The following GRM7 variants were observed in gnomAD, a reference collection of about 807,000 sequenced individuals.
GRM7 encodes the protein metabotropic glutamate receptor 7.
GRM7 carries 35 observed loss-of-function variants against 84.5 expected under a neutral mutation model. The ratio of observed to expected loss-of-function variants is 0.41; its 90% CI spans 0.32 to 0.55. The LOEUF is 0.55. Among genes scored for constraint, GRM7 ranks in the 20% least tolerant of loss-of-function variants. The probability of loss-of-function intolerance (pLI) is 0.19; values close to 1 mark genes in which losing one functional copy is unlikely to be tolerated. For missense variants in GRM7, 1,003 were observed against 1,194.6 expected, an observed-to-expected ratio of 0.84 and a Z score of 2.36; for synonymous variants, 487 against 455.1, an observed-to-expected ratio of 1.07 and a Z score of -0.89.
intron 2 of GRM7, among the ~76,000 whole-genome samples, chr3:7,243,597 T>C (rs1484554984): frequency 6.6e-6 from 1 of 152,152 alleles, no homozygotes; most frequent in Non-Finnish European, 1.5e-5. Flanking sequence ...ATCACTATTC[T>C]CAGGAGAATG....
chr3:7,382,098 T>C (rs1170645215), intron 4 of GRM7, among the ~76,000 whole-genome samples: 2 of 152,206 alleles, frequency 1.3e-5, no homozygotes, highest in Admixed American at 6.5e-5. Context: ...AAATTCTTTA[T>C]AATGATCCTT....
intron 8 of GRM7, among the ~76,000 whole-genome samples, chr3:7,634,105 A>G (rs1697967482): frequency 6.6e-6 from 1 of 152,104 alleles, no homozygotes; most frequent in Non-Finnish European, 1.5e-5. Flanking sequence ...ATTTCGCCCA[A>G]ATGTCCATTT....
At chr3:7,527,356 A>AT (rs1029924815) in intron 7 of GRM7, among the ~76,000 whole-genome samples, 13 of 151,548 alleles carry the variant, frequency 8.6e-5, no homozygotes, top group Non-Finnish European at 1.8e-4. Context: ...AATGCTACTG[A>AT]TTTTTTTTAC....
chr3:6,880,992 T>C (rs1475922908), intron 1 of GRM7, among the ~76,000 whole-genome samples: 2 of 152,188 alleles, frequency 1.3e-5, no homozygotes, highest in African/African-American at 4.8e-5. Flanking sequence ...TTCACTGGCT[T>C]AGCAATCAGT....
intron 9 of GRM7, among the ~76,000 whole-genome samples, chr3:7,715,421 G>A (rs753583741): frequency 1.5e-4 from 23 of 152,172 alleles, no homozygotes; most frequent in Middle Eastern, 3.4e-3. Flanking sequence ...TTTAGTGAGC[G>A]ACCATCATGC....
At chr3:7,578,095 T>C (rs186405109) in intron 7 of GRM7, among the ~76,000 whole-genome samples, 2 of 152,300 alleles carry the variant, frequency 1.3e-5, no homozygotes, top group Non-Finnish European at 2.9e-5. Context: ...CAAGAATCCT[T>C]TGGGCACTTG....
rs1181595820 is a variant in GRM7, at chr3:7,578,761, C to T, written c.1855C>T (p.Pro619Ser). 2 of 1,613,590 alleles carry T rather than the reference C, an allele frequency of 1.2e-6. No individual in the cohort carries two copies. The highest frequency in any genetic ancestry group is 2.2e-5 in the East Asian group (1 of 44,868). ...MATFIRYNDT[P>S]IVRASGRELS... ...CACTTTCATCCGCTACAATGACACGCCCATTGTCCGGGCATCTGGGCGGGA... is the reference window on the plus strand; with the variant it reads ...CACTTTCATCCGCTACAATGACACGTCCATTGTCCGGGCATCTGGGCGGGA... The change falls in exon 8 of 10, where the codon CCC becomes TCC. Residue 619 changes from proline (P) to serine (S), a missense_variant. By Grantham distance (74) the Pro-to-Ser change is moderately conservative. Around this residue, in one of 2 missense-constraint regions of GRM7, gnomAD observed 910 missense variants for 1,126.0 expected, o/e 0.81. Transcript: ENST00000357716.
chr3:7,399,051 A>G (rs1016557733), intron 4 of GRM7, among the ~76,000 whole-genome samples: 2 of 151,952 alleles, frequency 1.3e-5, no homozygotes, highest in Non-Finnish European at 2.9e-5. Context: ...TCCCAGCATC[A>G]TAGGCATTTT....
chr3:7,458,676 T>A (rs1011375907), intron 6 of GRM7, among the ~76,000 whole-genome samples: 30 of 152,214 alleles, frequency 2.0e-4, no homozygotes, highest in Admixed American at 5.9e-4. Flanking sequence ...GGGCCCATTC[T>A]GATGAATATG....
intron 2 of GRM7, among the ~76,000 whole-genome samples, chr3:7,247,593 C>CT (rs139175818): frequency 0.011 from 1,418 of 125,994 alleles, 32 homozygotes; most frequent in African/African-American, 0.039. Context: ...GACACTCTCT[C>CT]TTTTTTTTTA....
chr3:7,229,963 C>T (rs543803342), intron 2 of GRM7, among the ~76,000 whole-genome samples: 113 of 148,716 alleles, frequency 7.6e-4, no homozygotes, highest in African/African-American at 2.6e-3. Context: ...CCTCAGCCTC[C>T]CGAGTAGCTG....
chr3:7,442,636 C>T (rs1697336804), intron 5 of GRM7, among the ~76,000 whole-genome samples: 1 of 152,134 alleles, frequency 6.6e-6, no homozygotes, highest in Admixed American at 6.6e-5. Flanking sequence ...ATCATTCCAT[C>T]CCCACAACAT....
At chr3:7,461,475 A>T (rs1394534135) in intron 6 of GRM7, 108 bp from the exon 7 acceptor site, 2 of 875,808 alleles carry the variant, frequency 2.3e-6, no homozygotes, top group Non-Finnish European at 3.7e-6. Flanking sequence ...GGGGATATCT[A>T]GTAACTACCT....
chr3:6,969,008 G>C (rs1378204644), intron 1 of GRM7, among the ~76,000 whole-genome samples: 2 of 151,966 alleles, frequency 1.3e-5, no homozygotes, highest in African/African-American at 4.8e-5. Flanking sequence ...CAATTTCAAT[G>C]ATGTCATGTT....
At position 7,167,053 on chromosome 3, in the gene GRM7, G is replaced by A. The variant is rs115688946; in HGVS notation, c.736+20385G>A. On this transcript the variant is annotated intron_variant, in intron 2 of 9. Transcript: ENST00000357716. ...AAAGATAGAATAGTATTTTAATAACGTAGACAACATGGCTTTTTGTATTTT... is the reference window on the plus strand; with the variant it reads ...AAAGATAGAATAGTATTTTAATAACATAGACAACATGGCTTTTTGTATTTT... 1.5e-3 allele frequency among the ~76,000 whole-genome samples: 222 copies of A among 152,238 alleles called. 1 individual carries two copies. Among genetic ancestry groups the A allele is most frequent in the South Asian group, 0.014 (70 of 4,828 alleles).
chr3:7,377,191 AT>A (rs1694387397), intron 4 of GRM7, among the ~76,000 whole-genome samples: 1 of 151,856 alleles, frequency 6.6e-6, no homozygotes, highest in Non-Finnish European at 1.5e-5. Context: ...GGGAGAACAT[AT>A]TGAGATTTAT....
chr3:7,344,368 G>A (rs986919021), intron 4 of GRM7, among the ~76,000 whole-genome samples: 3 of 152,078 alleles, frequency 2.0e-5, no homozygotes, highest in African/African-American at 7.2e-5. Context: ...TCTTGTGTTA[G>A]TTTGCTAAAG....
intron 2 of GRM7, among the ~76,000 whole-genome samples, chr3:7,182,196 C>A (rs1310830259): frequency 6.6e-6 from 1 of 152,054 alleles, no homozygotes; most frequent in African/African-American, 2.4e-5. Context: ...TTAAAAAAAG[C>A]TTCCCTCAGA....
At chr3:7,366,756 C>G (rs1393106704) in intron 4 of GRM7, among the ~76,000 whole-genome samples, 1 of 151,790 alleles carries the variant, frequency 6.6e-6, no homozygotes, top group Non-Finnish European at 1.5e-5. Context: ...TTCTGAATCA[C>G]AGCAACTAGG....
Sources: gnomAD v4.1 joint callset for allele counts (sites outside exome capture counted in the v4.1 genomes callset) on GRCh38, gnomAD v4.1.1 for gene constraint, gnomAD v4.1.1 regional missense constraint, MANE v1.5 for transcripts, NCBI Gene and HGNC (gene_info 2026-07-23, HGNC 2026-07-21) for gene names.